Variants in LYST observed in about 807,000 individuals in gnomAD.
The protein encoded by LYST is lysosomal trafficking regulator.
In LYST, 192 loss-of-function variants were observed where a neutral mutation model predicts 413.6. The ratio of observed to expected loss-of-function variants is 0.46; its 90% confidence interval spans 0.41 to 0.52. The LOEUF (loss-of-function observed/expected upper bound fraction) is 0.52, where lower values mean the gene tolerates loss of function less well. Ranked by LOEUF, LYST falls within the 20% of genes least tolerant of loss-of-function variation. The pLI is 0.00. For synonymous variants in LYST, 1,525 were observed against 1,567.3 expected, an observed-to-expected ratio of 0.97 and a Z score of 0.64; for missense variants, 3,815 against 4,499.9, an observed-to-expected ratio of 0.85 and a Z score of 4.35.
At chr1:235,770,991 T>A (rs1668611547) in intron 19 of LYST, among the ~76,000 whole-genome samples, 1 of 152,200 alleles carries the variant, frequency 6.6e-6, no homozygotes, top group Non-Finnish European at 1.5e-5. Flanking sequence ...TAATTGACCT[T>A]TCAATAAAGC....
chr1:235,758,217 G>A (rs35174203), intron 23 of LYST, among the ~76,000 whole-genome samples: 1 of 152,134 alleles, frequency 6.6e-6, no homozygotes, highest in Admixed American at 6.5e-5. Context: ...AAATATAAGG[G>A]GGATATCTCA....
At chr1:235,677,289 A>G in intron 49 of LYST, 101 bp from the exon 50 acceptor site, 1 of 1,072,248 alleles carries the variant, frequency 9.3e-7, no homozygotes, top group Middle Eastern at 2.2e-4. Context: ...ATTGTACATA[A>G]GGCATACATG....
intron 50 of LYST, among the ~76,000 whole-genome samples, chr1:235,669,038 A>G (rs913633102): frequency 6.6e-6 from 1 of 152,224 alleles, no homozygotes; most frequent in Non-Finnish European, 1.5e-5. Flanking sequence ...AACAACAATA[A>G]CAAAACCCTA....
chr1:235,735,566 T>G (rs1251816136), intron 31 of LYST: 1 of 152,156 alleles, frequency 6.6e-6, no homozygotes, highest in African/African-American at 2.4e-5. Context: ...GTGTACAGTA[T>G]GTATTATTTA....
intron 7 of LYST, among the ~76,000 whole-genome samples, chr1:235,803,807 G>A (rs1332770518): frequency 2.0e-5 from 3 of 151,930 alleles, no homozygotes; most frequent in Non-Finnish European, 4.4e-5. Flanking sequence ...TTTAAGTTAT[G>A]GCAAATAGTA....
At chr1:235,877,072 G>T (rs542349770) in intron 1 of LYST, among the ~76,000 whole-genome samples, 165 of 152,350 alleles carry the variant, frequency 1.1e-3, no homozygotes, top group Middle Eastern at 0.01. Flanking sequence ...TCCAGTCCTG[G>T]ACAAAAGCAT....
At position 235,774,757 on chromosome 1, in the gene LYST, T is replaced by C. The variant is rs533603243; in HGVS notation, c.5634+156A>G. 2.0e-5 allele frequency among the ~76,000 whole-genome samples: 3 copies of C among 152,340 alleles called. No homozygotes were observed. In the South Asian group the frequency reaches 6.2e-4, roughly 32 times the overall value. ...TAATTATTTAAATGATGAAAAGAAC[T>C]AGAAGAGTATCTTAGTTTGATTAAC... On this transcript the variant is annotated intron_variant, in intron 18 of 52. Transcript: ENST00000389793.
rs570134531 is a variant in LYST, at chr1:235,738,655, G to T, written c.8358+2767C>A. ...CTCAAGACTCTGCACCCAGATTTAG[G>T]GACTGACATAGATAAGGAACAGTGG... On this transcript the variant is annotated intron_variant, in intron 31 of 52. Coordinates refer to ENST00000389793, the MANE Select transcript of LYST (RefSeq NM_000081.4). The T allele has an allele frequency of 1.4e-5, 22 of 1,607,414 alleles. No homozygotes were observed. In the East Asian group the frequency reaches 4.3e-4, roughly 31 times the overall value.
chr1:235,663,429 T>C (rs906396473), intron 52 of LYST, among the ~76,000 whole-genome samples: 3 of 152,192 alleles, frequency 2.0e-5, no homozygotes, highest in Non-Finnish European at 4.4e-5. Flanking sequence ...TACTATATTT[T>C]CTCCTTATAA....
intron 5 of LYST, among the ~76,000 whole-genome samples, chr1:235,807,428 T>C (rs1672978252): frequency 6.6e-6 from 1 of 152,320 alleles, no homozygotes; most frequent in South Asian, 2.1e-4. Context: ...CTCAGCCCTT[T>C]CATCACAAAG....
At chr1:235,694,242 T>C (rs1660910696) in intron 46 of LYST, among the ~76,000 whole-genome samples, 1 of 152,080 alleles carries the variant, frequency 6.6e-6, no homozygotes, top group Admixed American at 6.6e-5. Flanking sequence ...CTCGAACTCC[T>C]GACCTCAAGT....
chr1:235,738,302 G>C (rs1191166446), intron 31 of LYST: 7 of 1,611,836 alleles, frequency 4.3e-6, no homozygotes, highest in African/African-American at 1.3e-5. Flanking sequence ...CACATCGCAA[G>C]AGGGAGAAAG....
At chr1:235,737,890 C>T (rs958841764) in intron 31 of LYST, 16 of 1,123,692 alleles carry the variant, frequency 1.4e-5, no homozygotes, top group African/African-American at 1.1e-4. Flanking sequence ...TTAAAGGTAG[C>T]GAAGGTGCTG....
chr1:235,878,721 C>G (rs1281897114), intron 1 of LYST, among the ~76,000 whole-genome samples: 1 of 152,098 alleles, frequency 6.6e-6, no homozygotes. Context: ...ATAATTAGGT[C>G]TAATAGGAGA....
chr1:235,691,357 C>T (rs186165941), intron 47 of LYST, among the ~76,000 whole-genome samples: 1 of 152,348 alleles, frequency 6.6e-6, no homozygotes, highest in East Asian at 1.9e-4. Context: ...TAGTCAAAGG[C>T]TGCAGTTAGT....
At chr1:235,842,617 C>G (rs900813144) in intron 1 of LYST, among the ~76,000 whole-genome samples, 10 of 152,190 alleles carry the variant, frequency 6.6e-5, no homozygotes, top group Non-Finnish European at 1.3e-4. Flanking sequence ...GGCGTGGCCT[C>G]TCTCTCAGGA....
chr1:235,696,991 C>G (rs1244841793), intron 46 of LYST, 92 bp downstream of exon 46: 1 of 1,248,898 alleles, frequency 8.0e-7, no homozygotes, highest in Non-Finnish European at 1.2e-6. Flanking sequence ...GTTTTTCCAC[C>G]AAGGACTCAA....
chr1:235,783,600 T>G (rs2103486962), intron 14 of LYST, among the ~76,000 whole-genome samples: 1 of 152,274 alleles, frequency 6.6e-6, no homozygotes, highest in East Asian at 1.9e-4. Context: ...TATACCTATG[T>G]AACAAACCTG....
Position 235,686,873 on chromosome 1 carries a change from G to T in LYST, c.10800+76C>A. The T allele has an allele frequency of 1.9e-6, 2 of 1,062,382 alleles. No individual in the cohort carries two copies. Among genetic ancestry groups the T allele is most frequent in the South Asian group, 1.3e-5 (1 of 79,806 alleles). 65.8% of individuals were successfully genotyped at this position (1,062,382 alleles called of 1,614,324 possible). On this transcript the variant is annotated intron_variant, in intron 48 of 52. Transcript: ENST00000389793. This position sits in a 1 kb window ranked among gnomAD's most constrained non-coding sequence, Gnocchi z 4.0. ...ATTTTAAGTTAATCTTATGCAAAGT[G>T]AATTATACTTCATAAAGGCTTTCTT...
Sources: gnomAD v4.1 joint callset for allele counts (sites outside exome capture counted in the v4.1 genomes callset) on GRCh38, gnomAD v4.1.1 for gene constraint, Gnocchi (gnomAD v3.1) non-coding constraint, MANE v1.5 for transcripts, NCBI Gene and HGNC (gene_info 2026-07-23, HGNC 2026-07-21) for gene names.